The following CRIM1 variants were observed in gnomAD, a reference collection of about 807,000 sequenced individuals.
CRIM1 encodes cysteine rich transmembrane BMP regulator 1.
Under a neutral mutation model 116.4 loss-of-function variants are expected in CRIM1, and 32 were observed. The ratio of observed to expected loss-of-function variants is 0.27; its 90% CI spans 0.21 to 0.37. The LOEUF is 0.37. CRIM1 is among the 10% of genes least tolerant of loss of function. CRIM1 has a pLI of 1.00. For missense variants in CRIM1, 1,331 were observed against 1,354.8 expected (o/e 0.98, Z 0.28); for synonymous variants, 590 against 509.2 (o/e 1.16, Z -2.13).
At chr2:36,426,395 T>A (rs1053263205) in intron 2 of CRIM1, among the ~76,000 whole-genome samples, 1 of 152,220 alleles carries the variant, frequency 6.6e-6, no homozygotes, top group African/African-American at 2.4e-5. Context: ...TTTAAGTCTT[T>A]GAGATCAAGT....
chr2:36,402,312 A>G (rs1407778617), intron 2 of CRIM1, among the ~76,000 whole-genome samples: 3 of 152,144 alleles, frequency 2.0e-5, no homozygotes, highest in East Asian at 1.9e-4. Context: ...TCAAAGCCCA[A>G]AGGAGTTTGC....
intron 8 of CRIM1, among the ~76,000 whole-genome samples, chr2:36,506,377 T>C (rs1433468661): frequency 1.3e-5 from 2 of 151,948 alleles, no homozygotes; most frequent in East Asian, 1.9e-4. Context: ...CTAAAAGTTA[T>C]GACACAATGA....
intron 12 of CRIM1, among the ~76,000 whole-genome samples, chr2:36,519,992 G>A (rs1277668782): frequency 6.6e-6 from 1 of 152,192 alleles, no homozygotes; most frequent in Non-Finnish European, 1.5e-5. Context: ...GTAAACGTTT[G>A]GAAACAGAAG....
chr2:36,403,391 C>CTATA (rs1466593499), intron 2 of CRIM1, among the ~76,000 whole-genome samples: 1 of 152,200 alleles, frequency 6.6e-6, no homozygotes, highest in Non-Finnish European at 1.5e-5. Context: ...GCGTGTGATA[C>CTATA]TATACATCAT....
chr2:36,367,503 A>G (rs1049830222), intron 1 of CRIM1, among the ~76,000 whole-genome samples: 1 of 152,230 alleles, frequency 6.6e-6, no homozygotes, highest in Non-Finnish European at 1.5e-5. Flanking sequence ...TTAATTTGTC[A>G]AAAGGGAATT....
intron 7 of CRIM1, 48 bp downstream of exon 7, chr2:36,479,742 G>A (rs1679262327): frequency 6.4e-7 from 1 of 1,556,240 alleles, no homozygotes; most frequent in South Asian, 1.1e-5. Flanking sequence ...TCTTCTGTTG[G>A]AGAAGCTTCT....
intron 14 of CRIM1, among the ~76,000 whole-genome samples, chr2:36,542,292 T>A (rs1183404013): frequency 8.5e-5 from 13 of 152,184 alleles, no homozygotes; most frequent in Admixed American, 8.5e-4. Context: ...AGGAAATATT[T>A]GTTGAACAAA....
chr2:36,427,996 A>G (rs368057690), intron 2 of CRIM1, among the ~76,000 whole-genome samples: 1 of 152,228 alleles, frequency 6.6e-6, no homozygotes, highest in Non-Finnish European at 1.5e-5. Flanking sequence ...ATAAAGGGTT[A>G]TTTTTGTGTT....
intron 2 of CRIM1, among the ~76,000 whole-genome samples, chr2:36,417,420 A>G (rs572623814): frequency 5.9e-5 from 9 of 152,212 alleles, no homozygotes; most frequent in Admixed American, 2.0e-4. Context: ...AAGGTGGTTC[A>G]TGGCAGTATT....
chr2:36,356,107 C>G lies in CRIM1; in HGVS notation c.-186C>G. 6.4e-6 allele frequency: 1 copy of G among 157,288 alleles called. No individual in the cohort carries two copies. Among genetic ancestry groups the G allele is most frequent in the Non-Finnish European group, 1.4e-5 (1 of 72,570 alleles). 9.7% of individuals were successfully genotyped at this position (157,288 alleles called of 1,614,324 possible). A position where few individuals can be genotyped will look rare whatever the true frequency, so the allele number is the denominator to read the frequency against. ...CCAAGGCTCGTGGGCTCGGGGTCGG[C>G]GCGGCCCGCAGAAGGGGCGGGGGCC... On this transcript the variant is annotated 5_prime_UTR_variant, in exon 1 of 17. Coordinates refer to ENST00000280527, the MANE Select transcript of CRIM1 (RefSeq NM_016441.3). The surrounding 1 kb of genome is among the most constrained non-coding windows in gnomAD (Gnocchi z 4.3).
intron 7 of CRIM1, among the ~76,000 whole-genome samples, chr2:36,482,792 T>C (rs1679520331): frequency 6.6e-6 from 1 of 152,132 alleles, no homozygotes; most frequent in Non-Finnish European, 1.5e-5. Context: ...CACACAAGGA[T>C]TGTGGTTTTA....
At chr2:36,409,586 C>A (rs1673062177) in intron 2 of CRIM1, among the ~76,000 whole-genome samples, 1 of 152,124 alleles carries the variant, frequency 6.6e-6, no homozygotes, top group Non-Finnish European at 1.5e-5. Context: ...ATCATAGACA[C>A]AAGGAGTTAT....
chr2:36,420,837 G>A (rs1674000221), intron 2 of CRIM1, among the ~76,000 whole-genome samples: 1 of 152,194 alleles, frequency 6.6e-6, no homozygotes, highest in South Asian at 2.1e-4. Flanking sequence ...GGTTGGTTGA[G>A]TCCAGGTGGC....
intron 5 of CRIM1, among the ~76,000 whole-genome samples, chr2:36,470,541 T>C (rs191432666): frequency 5.9e-5 from 9 of 152,340 alleles, no homozygotes; most frequent in African/African-American, 2.2e-4. Context: ...CTGCCTGTGC[T>C]TTATAAATGG....
chr2:36,448,461 T>C (rs1676422177), intron 4 of CRIM1, among the ~76,000 whole-genome samples: 1 of 152,238 alleles, frequency 6.6e-6, no homozygotes, highest in African/African-American at 2.4e-5. Flanking sequence ...TGTTTGGACC[T>C]AATTTTACAG....
chr2:36,365,695 T>C (rs1382867822), intron 1 of CRIM1, among the ~76,000 whole-genome samples: 1 of 152,068 alleles, frequency 6.6e-6, no homozygotes, highest in Non-Finnish European at 1.5e-5. Flanking sequence ...AGTGTGGGTA[T>C]GGTCCCATTT....
chr2:36,481,036 T>C (rs1409246784), intron 7 of CRIM1, among the ~76,000 whole-genome samples: 1 of 152,202 alleles, frequency 6.6e-6, no homozygotes, highest in Non-Finnish European at 1.5e-5. Flanking sequence ...AATATTTAAT[T>C]ACGAATATTT....
chr2:36,473,816 G>A (rs1157064593), intron 5 of CRIM1, among the ~76,000 whole-genome samples: 1 of 152,106 alleles, frequency 6.6e-6, no homozygotes, highest in Non-Finnish European at 1.5e-5. Flanking sequence ...TGGGCTGCTA[G>A]GAACATTTGT....
chr2:36,356,757 C>T lies in CRIM1; in HGVS notation c.331+134C>T. ...GCGGGAAGAGGGGCGGCCGCCGCCCCCAGGAGAGTGCCCCCGCGGCCCTGC... is the reference window on the plus strand; with the variant it reads ...GCGGGAAGAGGGGCGGCCGCCGCCCTCAGGAGAGTGCCCCCGCGGCCCTGC... On this transcript the variant is annotated intron_variant, in intron 1 of 16. Transcript: ENST00000280527. This position sits in a 1 kb window ranked among gnomAD's most constrained non-coding sequence, Gnocchi z 4.3. 3 of 834,728 alleles carry T rather than the reference C, an allele frequency of 3.6e-6. No homozygotes were observed. Among genetic ancestry groups the T allele is most frequent in the South Asian group, 3.6e-5 (2 of 55,684 alleles). 51.7% of individuals were successfully genotyped at this position (834,728 alleles called of 1,614,324 possible).
Sources: allele counts gnomAD v4.1 joint callset (sites outside exome capture counted in the v4.1 genomes callset), GRCh38; gene constraint gnomAD v4.1.1; non-coding constraint Gnocchi (gnomAD v3.1); transcripts MANE v1.5; gene names NCBI Gene and HGNC (gene_info 2026-07-23, HGNC 2026-07-21).